The following ELP1 variants were observed in gnomAD, a reference collection of about 807,000 sequenced individuals.
ELP1 encodes elongator acetyltransferase complex subunit 1.
Under a neutral mutation model 183.2 loss-of-function variants are expected in ELP1, and 131 were observed. The ratio of observed to expected loss-of-function variants is 0.72; its 90% CI spans 0.62 to 0.83. The LOEUF is 0.83. Ranked by LOEUF, ELP1 falls within the 40% of genes least tolerant of loss-of-function variation. ELP1 has a pLI of 0.00. For synonymous variants in ELP1, 555 were observed against 569.0 expected, an observed-to-expected ratio of 0.98 and a Z score of 0.35; for missense variants, 1,550 against 1,594.9, an observed-to-expected ratio of 0.97 and a Z score of 0.48.
rs185401977 is a variant in ELP1 at position 108,912,631 on chromosome 9, T to C, written c.959-137A>G. The stretch of plus-strand genomic sequence containing the variant: ...AGCCTCGTCTCTAAAATAAGAACAA[T>C]AATAACTGCCAAAAAATAGCTTTCC... On this transcript the variant is annotated intron_variant, in intron 10 of 36. Coordinates refer to ENST00000374647, the MANE Select transcript of ELP1 (RefSeq NM_003640.5). 5.6e-5 allele frequency: 38 copies of C among 675,492 alleles called. No individual in the cohort carries two copies. The African/African-American group carries it at 6.3e-4, about 11-fold the overall frequency. The allele number at this position is 675,492 out of a possible 1,614,324, so 41.8% of individuals were successfully genotyped here. A position where few individuals can be genotyped will look rare whatever the true frequency, so the allele number is the denominator to read the frequency against.
chr9:108,896,895 A>G, intron 24 of ELP1, 58 bp downstream of exon 24: 1 of 1,415,810 alleles, frequency 7.1e-7, no homozygotes, highest in Non-Finnish European at 1.0e-6. Context: ...TGTCACCTGC[A>G]GAAGACTAGT....
intron 6 of ELP1, among the ~76,000 whole-genome samples, chr9:108,921,585 CA>C (rs11369159): frequency 0.24 from 32,747 of 137,572 alleles, 4,212 homozygotes; most frequent in Admixed American, 0.32. Context: ...TAAGTCCTGC[CA>C]AAAAAAAAAA....
chr9:108,895,082 AC>A (rs1490406180), intron 25 of ELP1, among the ~76,000 whole-genome samples: 1 of 152,134 alleles, frequency 6.6e-6, no homozygotes, highest in African/African-American at 2.4e-5. Context: ...CCCCGTCTCA[AC>A]AAAAAAAATT....
intron 25 of ELP1, 102 bp downstream of exon 25, chr9:108,896,394 C>G: frequency 9.3e-7 from 1 of 1,075,994 alleles, no homozygotes; most frequent in Non-Finnish European, 1.4e-6. Context: ...CCTGCACTCA[C>G]AGAGTGATAG....
intron 29 of ELP1, among the ~76,000 whole-genome samples, chr9:108,886,376 C>T (rs117764776): frequency 2.6e-3 from 396 of 152,144 alleles, no homozygotes; most frequent in Non-Finnish European, 4.5e-3. Context: ...GGCAAAGACA[C>T]GAAAAAACTA....
intron 5 of ELP1, among the ~76,000 whole-genome samples, chr9:108,924,139 A>G (rs1311398918): frequency 1.3e-5 from 2 of 152,232 alleles, no homozygotes; most frequent in African/African-American, 4.8e-5. Flanking sequence ...AATGGAAGAC[A>G]AGAAATGATG....
chr9:108,871,726 TTTTGC>T (rs1827466645), intron 36 of ELP1, among the ~76,000 whole-genome samples: 1 of 152,230 alleles, frequency 6.6e-6, no homozygotes, highest in Non-Finnish European at 1.5e-5. Flanking sequence ...TCCTTCATCT[TTTTGC>T]TTTAAGTTCT....
At position 108,896,539 on chromosome 9, in the gene ELP1, T is replaced by C. The variant is rs199679232; in HGVS notation, c.2693A>G (p.Tyr898Cys). 18 of 1,614,150 alleles carry C rather than the reference T, an allele frequency of 1.1e-5. No homozygotes were observed. Among genetic ancestry groups the C allele is most frequent in the East Asian group, 6.7e-5 (3 of 44,878 alleles). The stretch of plus-strand genomic sequence containing the variant: ...TACCATGAGGACCAAATCAAAGTCA[T>C]AGGTGCCAAGAGAATGATCATATAA... ...NELYDHSLGT[Y>C]DFDLVLMVAE... Residue 898 changes from tyrosine to cysteine, a missense_variant, in exon 25 of 37, where the codon TAT (tyrosine) becomes TGT (cysteine). Transcript: ENST00000374647.
At chr9:108,930,034 A>G in intron 2 of ELP1, 113 bp from the exon 3 acceptor site, 3 of 1,260,884 alleles carry the variant, frequency 2.4e-6, no homozygotes, top group Non-Finnish European at 3.4e-6. Context: ...GCTTTCAAAA[A>G]TATTTTTTCT....
At position 108,885,416 on chromosome 9, in the gene ELP1, G is replaced by T. The variant is rs1282993191; in HGVS notation, c.3223-3229C>A. On this transcript the variant is annotated intron_variant, in intron 29 of 36. Transcript: ENST00000374647. ...ATAAATCTGACAATTTAGATGAAAT[G>T]AACAAATTACTTGAAAGACATAAAC... Among the ~76,000 whole-genome samples the T allele has an allele frequency of 2.0e-5, 3 of 152,260 alleles. No individual in the cohort carries two copies. The East Asian group carries it at 5.8e-4, about 29-fold the overall frequency.
intron 32 of ELP1, 97 bp from the exon 33 acceptor site, chr9:108,879,654 C>G (rs2118939388): frequency 1.2e-6 from 1 of 803,294 alleles, no homozygotes. Flanking sequence ...TCAACTGGTG[C>G]ATATCAAAGG....
At chr9:108,924,150 C>G (rs2583075) in intron 5 of ELP1, among the ~76,000 whole-genome samples, 141,687 of 152,252 alleles carry the variant, frequency 0.93, 66,032 homozygotes, top group East Asian at 1. Context: ...AGAAATGATG[C>G]GGTTACAGCA....
At chr9:108,929,724 T>C (rs1354819060) in intron 3 of ELP1, 45 bp downstream of exon 3, 9 of 1,601,422 alleles carry the variant, frequency 5.6e-6, no homozygotes, top group East Asian at 2.2e-5. Context: ...AGTAACCTAT[T>C]TGAGGATGCT....
At chr9:108,896,074 A>G (rs4978375) in intron 25 of ELP1, among the ~76,000 whole-genome samples, 27,443 of 152,018 alleles carry the variant, frequency 0.18, 3,225 homozygotes, top group African/African-American at 0.33. Flanking sequence ...TGGCTAACAC[A>G]GTGAAACCCT....
In ELP1 at chr9:108,912,753, GT is replaced by G. The variant is rs554750757; in HGVS notation, c.959-260del. Among the ~76,000 whole-genome samples, 1,375 of 132,704 alleles carry G rather than the reference GT, an allele frequency of 0.01. 7 individuals are homozygous for G. Among genetic ancestry groups the G allele is most frequent in the Non-Finnish European group, 0.015 (932 of 61,762 alleles). 87.1% of individuals were successfully genotyped at this position (132,704 alleles called of 152,430 possible). A position where few individuals can be genotyped will look rare whatever the true frequency, so the allele number is the denominator to read the frequency against. On this transcript the variant is annotated intron_variant, in intron 10 of 36. Transcript: ENST00000374647. ...AACTTTTATTCATATGTTTATTTTCGTTTTTTTTTTTTTTTTATTGACACAG... is the reference window on the plus strand; with the variant it reads ...AACTTTTATTCATATGTTTATTTTCGTTTTTTTTTTTTTTTATTGACACAG...
intron 8 of ELP1, among the ~76,000 whole-genome samples, chr9:108,918,325 T>A (rs1340295328): frequency 6.6e-6 from 1 of 152,082 alleles, no homozygotes; most frequent in Non-Finnish European, 1.5e-5. Flanking sequence ...AGGAGGAGAA[T>A]GGAAGGAAAG....
At chr9:108,917,194 G>A (rs948765582) in intron 9 of ELP1, among the ~76,000 whole-genome samples, 1 of 152,132 alleles carries the variant, frequency 6.6e-6, no homozygotes, top group Non-Finnish European at 1.5e-5. Context: ...TAGGCCAGGC[G>A]TGGTGGCTCA....
chr9:108,872,190 C>A (rs1290592237), intron 36 of ELP1, among the ~76,000 whole-genome samples: 1 of 152,190 alleles, frequency 6.6e-6, no homozygotes, highest in Non-Finnish European at 1.5e-5. Flanking sequence ...TTAATGGAGA[C>A]TCTCATGTGC....
chr9:108,868,772 T>A lies in ELP1; in HGVS notation c.*343A>T. 1.8e-6 allele frequency: 1 copy of A among 561,856 alleles called. No individual in the cohort carries two copies. Among genetic ancestry groups the A allele is most frequent in the Non-Finnish European group, 3.1e-6 (1 of 318,612 alleles). The allele number at this position is 561,856 out of a possible 1,614,324, so 34.8% of individuals were successfully genotyped here. A position where few individuals can be genotyped will look rare whatever the true frequency, so the allele number is the denominator to read the frequency against. On this transcript the variant is annotated 3_prime_UTR_variant, in exon 37 of 37. Transcript: ENST00000374647. ...ACAAAATAAGACAATTTAGAAACAT[T>A]GTTTTACTTGTCTTCACACTTTGGA... is the stretch of plus-strand genomic sequence containing the variant.
Sources: allele counts gnomAD v4.1 joint callset (sites outside exome capture counted in the v4.1 genomes callset), GRCh38; gene constraint gnomAD v4.1.1; transcripts MANE v1.5; gene names NCBI Gene and HGNC (gene_info 2026-07-23, HGNC 2026-07-21).